HPSE2: variants seen among roughly 807,000 people sequenced by gnomAD.
The protein encoded by HPSE2 is inactive heparanase-2.
A neutral mutation model predicts 60.5 loss-of-function variants in HPSE2; 38 were observed. That is an observed-to-expected ratio of 0.63 (90% CI 0.48 to 0.82). The LOEUF (loss-of-function observed/expected upper bound fraction) is 0.82, where lower values mean the gene tolerates loss of function less well. Among genes scored for constraint, HPSE2 ranks in the 40% least tolerant of loss-of-function variants. The probability of loss-of-function intolerance (pLI) is 0.00; values close to 1 mark genes in which losing one functional copy is unlikely to be tolerated. For missense variants in HPSE2, 713 were observed against 740.4 expected (o/e 0.96, Z 0.43); for synonymous variants, 295 against 293.2 (o/e 1.01, Z -0.06).
At chr10:99,148,979 G>A (rs1390348191) in intron 2 of HPSE2, among the ~76,000 whole-genome samples, 1 of 151,722 alleles carries the variant, frequency 6.6e-6, no homozygotes, top group African/African-American at 2.4e-5. Context: ...AAGAACTTAT[G>A]CATGTAACCA....
In HPSE2 at chr10:98,505,095, C is replaced by T. The variant is rs28414172; in HGVS notation, c.1321-14899G>A. 8.3e-3 allele frequency among the ~76,000 whole-genome samples: 1,261 copies of T among 152,206 alleles called. 18 individuals are homozygous for T. Among genetic ancestry groups the T allele is most frequent in the African/African-American group, 0.029 (1,208 of 41,516 alleles). On this transcript the variant is annotated intron_variant, in intron 9 of 11. Transcript: ENST00000370552. The stretch of plus-strand genomic sequence containing the variant: ...ACATCCTACAATTTATTTATCTATT[C>T]TCCTACTGATGGATATGTGTGTCCA...
At chr10:99,161,387 A>C (rs1846838269) in intron 2 of HPSE2, among the ~76,000 whole-genome samples, 1 of 152,194 alleles carries the variant, frequency 6.6e-6, no homozygotes, top group Non-Finnish European at 1.5e-5. Context: ...AATTACTAAT[A>C]AATTCTAGAC....
chr10:98,843,877 T>C (rs1408600074), intron 3 of HPSE2, among the ~76,000 whole-genome samples: 1 of 152,226 alleles, frequency 6.6e-6, no homozygotes, highest in East Asian at 1.9e-4. Context: ...GACTTAATTT[T>C]AGATACATAT....
chr10:99,189,139 A>G (rs1275780459), intron 2 of HPSE2, among the ~76,000 whole-genome samples: 1 of 152,244 alleles, frequency 6.6e-6, no homozygotes, highest in Non-Finnish European at 1.5e-5. Context: ...TAATTAACTC[A>G]TCCAGACAAA....
chr10:98,609,505 G>A (rs970194881), intron 9 of HPSE2, among the ~76,000 whole-genome samples: 1 of 152,030 alleles, frequency 6.6e-6, no homozygotes, highest in Non-Finnish European at 1.5e-5. Context: ...AAAAATTCAC[G>A]TAAGAAAATA....
chr10:98,944,653 G>A (rs550762228), intron 3 of HPSE2, among the ~76,000 whole-genome samples: 1 of 152,112 alleles, frequency 6.6e-6, no homozygotes, highest in Non-Finnish European at 1.5e-5. Flanking sequence ...GAAGGGATTA[G>A]AAAGGTCAAT....
At chr10:99,031,923 T>C (rs942701995) in intron 3 of HPSE2, among the ~76,000 whole-genome samples, 1 of 152,178 alleles carries the variant, frequency 6.6e-6, no homozygotes, top group Non-Finnish European at 1.5e-5. Context: ...GGCAAGCTAT[T>C]AGGGATTTTT....
chr10:98,486,090 G>C (rs1340126936), intron 10 of HPSE2, among the ~76,000 whole-genome samples: 1 of 152,156 alleles, frequency 6.6e-6, no homozygotes, highest in African/African-American at 2.4e-5. Flanking sequence ...TCTCAGGTAG[G>C]AATTGGCATT....
chr10:98,587,337 T>C (rs1443849103), intron 9 of HPSE2, among the ~76,000 whole-genome samples: 1 of 152,186 alleles, frequency 6.6e-6, no homozygotes, highest in Non-Finnish European at 1.5e-5. Flanking sequence ...GTGAGTCATA[T>C]CATGATTCGG....
intron 3 of HPSE2, among the ~76,000 whole-genome samples, chr10:98,924,130 C>T (rs1021325175): frequency 6.6e-6 from 1 of 152,200 alleles, no homozygotes; most frequent in African/African-American, 2.4e-5. Context: ...AGAGGTACTG[C>T]TGTGGTGGTT....
At chr10:98,664,567 G>C (rs1947311157) in intron 6 of HPSE2, among the ~76,000 whole-genome samples, 1 of 152,164 alleles carries the variant, frequency 6.6e-6, no homozygotes, top group Non-Finnish European at 1.5e-5. Flanking sequence ...CTCTATCACA[G>C]AGCACTATCG....
At chr10:98,861,596 CATCAATT>C (rs762818215) in intron 3 of HPSE2, among the ~76,000 whole-genome samples, 1 of 152,158 alleles carries the variant, frequency 6.6e-6, no homozygotes, top group Non-Finnish European at 1.5e-5. Context: ...TTTTCTACAT[CATCAATT>C]ATCCCTAGAA....
At chr10:98,591,766 C>G (rs941219099) in intron 9 of HPSE2, among the ~76,000 whole-genome samples, 7 of 152,274 alleles carry the variant, frequency 4.6e-5, no homozygotes, top group African/African-American at 7.2e-5. Context: ...AAGAAAGCCC[C>G]TTTGCATTTC....
At chr10:99,303,340 C>T in the HPSE2 span, among the ~76,000 whole-genome samples, 2 of 152,138 alleles carry the variant, frequency 1.3e-5, no homozygotes, top group African/African-American at 4.8e-5. Context: ...TAACTTCAGA[C>T]CTCCTGCTTG....
chr10:98,774,008 G>A (rs1950292779), intron 3 of HPSE2, among the ~76,000 whole-genome samples: 1 of 152,106 alleles, frequency 6.6e-6, no homozygotes, highest in South Asian at 2.1e-4. Flanking sequence ...AGGGTGCAGT[G>A]AGCCATGACT....
chr10:98,878,273 T>A (rs1025908525), intron 3 of HPSE2, among the ~76,000 whole-genome samples: 3 of 148,464 alleles, frequency 2.0e-5, no homozygotes, highest in Non-Finnish European at 4.5e-5. Context: ...AAGAGATCTA[T>A]TTTTTTTCCT....
At chr10:98,844,239 C>T (rs1351762739) in intron 3 of HPSE2, among the ~76,000 whole-genome samples, 1 of 152,118 alleles carries the variant, frequency 6.6e-6, no homozygotes, top group Non-Finnish European at 1.5e-5. Context: ...GGAGCTTCCT[C>T]AGAAGGGATG....
intron 9 of HPSE2, among the ~76,000 whole-genome samples, chr10:98,535,589 G>C (rs146440746): frequency 6.6e-6 from 1 of 152,030 alleles, no homozygotes; most frequent in African/African-American, 2.4e-5. Flanking sequence ...TCCTCTAAGC[G>C]TATACTATTG....
chr10:99,246,489 G>A, the HPSE2 span, among the ~76,000 whole-genome samples: 3 of 152,228 alleles, frequency 2.0e-5, no homozygotes, highest in Admixed American at 1.3e-4. Context: ...GCTCATGCCC[G>A]TAATCCCAGC....
Sources: allele counts gnomAD v4.1 joint callset (sites outside exome capture counted in the v4.1 genomes callset), GRCh38; gene constraint gnomAD v4.1.1; transcripts MANE v1.5; gene names NCBI Gene and HGNC (gene_info 2026-07-23, HGNC 2026-07-21).